The following WASHC4 variants were observed in gnomAD, a reference collection of about 807,000 sequenced individuals.
WASHC4 encodes the protein WASH complex subunit 7.
Under a neutral mutation model 166.6 loss-of-function variants are expected in WASHC4, and 86 were observed. The observed-to-expected ratio is 0.52, with a 90% CI of 0.43 to 0.62. WASHC4 has a LOEUF of 0.62. Ranked by LOEUF, WASHC4 falls within the 20% of genes least tolerant of loss-of-function variation. The probability of loss-of-function intolerance (pLI) is 0.00; values close to 1 mark genes in which losing one functional copy is unlikely to be tolerated. For missense variants in WASHC4, 1,262 were observed against 1,382.4 expected (o/e 0.91, Z 1.38); for synonymous variants, 446 against 451.6 (o/e 0.99, Z 0.16).
At chr12:105,128,140 A>G (rs1881456759) in intron 13 of WASHC4, among the ~76,000 whole-genome samples, 1 of 152,318 alleles carries the variant, frequency 6.6e-6, no homozygotes, top group Non-Finnish European at 1.5e-5. Flanking sequence ...TTGACTATCA[A>G]AGGGAAGTTG....
chr12:105,113,349 T>TC (rs1033952213), intron 2 of WASHC4, among the ~76,000 whole-genome samples: 31 of 152,084 alleles, frequency 2.0e-4, no homozygotes, highest in African/African-American at 7.5e-4. Context: ...CTGTTTTTTT[T>TC]CTCAACTCTC....
intron 21 of WASHC4, 78 bp from the exon 22 acceptor site, chr12:105,144,639 AG>A (rs1566018781): frequency 1.1e-5 from 15 of 1,304,980 alleles, no homozygotes; most frequent in African/African-American, 3.0e-5. Context: ...TTCAAGGACA[AG>A]TTGTTGTTTT....
intron 2 of WASHC4, among the ~76,000 whole-genome samples, chr12:105,111,838 T>C (rs1325748225): frequency 1.3e-5 from 2 of 152,228 alleles, no homozygotes; most frequent in Non-Finnish European, 2.9e-5. Flanking sequence ...AGCACTTGTG[T>C]ATTACACACT....
chr12:105,112,363 T>C (rs1879778356), intron 2 of WASHC4, among the ~76,000 whole-genome samples: 2 of 152,322 alleles, frequency 1.3e-5, no homozygotes, highest in Non-Finnish European at 2.9e-5. Context: ...GCACATGATT[T>C]TGTGTAGACA....
At chr12:105,116,041 C>T (rs746258940) in intron 6 of WASHC4, among the ~76,000 whole-genome samples, 11 of 152,062 alleles carry the variant, frequency 7.2e-5, no homozygotes, top group South Asian at 2.1e-4. Flanking sequence ...AAGTTGTTAA[C>T]GGATAGGAGA....
At chr12:105,125,161 TCTCAA>T (rs1296868976) in intron 10 of WASHC4, among the ~76,000 whole-genome samples, 1 of 152,240 alleles carries the variant, frequency 6.6e-6, no homozygotes, top group Non-Finnish European at 1.5e-5. Flanking sequence ...AACCGATTGA[TCTCAA>T]CTCTTGTTTA....
Position 105,164,230 on chromosome 12 carries a change from G to A in WASHC4, c.3277G>A (p.Val1093Ile), listed in dbSNP as rs1884669885. Residue 1093 changes from valine to isoleucine, a missense_variant, in exon 31 of 33, where the codon GTA becomes ATA. Coordinates refer to ENST00000332180, the MANE Select transcript of WASHC4 (RefSeq NM_015275.3). ...EIRAVAKQQN[V>I]QSASQDEKLL... ...AAGAGCAGTTGCTAAGCAACAGAATGTACAGTCAGCCAGTCAAGATGAAAA... is the reference window on the plus strand; with the variant it reads ...AAGAGCAGTTGCTAAGCAACAGAATATACAGTCAGCCAGTCAAGATGAAAA... 1 of 1,614,024 alleles carries A rather than the reference G, an allele frequency of 6.2e-7. No homozygotes were observed. The highest frequency in any genetic ancestry group is 8.5e-7 in the Non-Finnish European group (1 of 1,179,944).
At chr12:105,125,968 A>T in intron 10 of WASHC4, 36 bp from the exon 11 acceptor site, 1 of 1,593,118 alleles carries the variant, frequency 6.3e-7, no homozygotes. Flanking sequence ...TTTATTATTG[A>T]GAGTCTGAAT....
Position 105,140,412 on chromosome 12 carries a change from T to C in WASHC4, c.1560+11T>C. The C allele has an allele frequency of 6.5e-7, 1 of 1,539,996 alleles. No individual in the cohort carries two copies. The highest frequency in any genetic ancestry group is 9.0e-7 in the Non-Finnish European group (1 of 1,112,432). On this transcript the variant is annotated intron_variant, in intron 16 of 32. Coordinates refer to ENST00000332180, the MANE Select transcript of WASHC4 (RefSeq NM_015275.3). ...ATTTCTGTGGCCAAGGTATGCAGCT[T>C]ATTATGTATTTAGCATAAGTATGTT...
At chr12:105,162,940 T>C (rs1026076774) in intron 30 of WASHC4, 95 bp downstream of exon 30, 5 of 673,044 alleles carry the variant, frequency 7.4e-6, no homozygotes, top group Non-Finnish European at 1.3e-5. Context: ...ATATGTTCTT[T>C]ATAGATTTTT....
In WASHC4 at chr12:105,120,522, G is replaced by A. The variant is rs1364379678; in HGVS notation, c.519-33G>A. ...AAGAATAAACTATGACAAAAAGGAA[G>A]TTTTTTTTAACTTGGTTGTTATTTT... is the stretch of plus-strand genomic sequence containing the variant. On this transcript the variant is annotated intron_variant, in intron 7 of 32. Transcript: ENST00000332180. 6 of 1,418,686 alleles carry A rather than the reference G, an allele frequency of 4.2e-6. No individual in the cohort carries two copies. The Admixed American group carries it at 8.4e-5, about 20-fold the overall frequency. The allele number at this position is 1,418,686 out of a possible 1,614,324, so 87.9% of individuals were successfully genotyped here.
chr12:105,137,654 A>G (rs1346501490), intron 14 of WASHC4, among the ~76,000 whole-genome samples: 1 of 152,172 alleles, frequency 6.6e-6, no homozygotes, highest in Non-Finnish European at 1.5e-5. Context: ...ACAGTACAAA[A>G]CTTCTGGTAT....
intron 28 of WASHC4, 62 bp from the exon 29 acceptor site, chr12:105,159,939 T>G (rs1592920266): frequency 1.4e-6 from 2 of 1,457,736 alleles, no homozygotes; most frequent in East Asian, 2.3e-5. Context: ...TATTGAGAGA[T>G]GGATTTTTTT....
At chr12:105,139,423 G>GTA (rs1398258029) in intron 15 of WASHC4, among the ~76,000 whole-genome samples, 2 of 27,382 alleles carry the variant, frequency 7.3e-5, no homozygotes, top group African/African-American at 2.9e-4. Flanking sequence ...ATATGTGTGT[G>GTA]TGTATATATA....
At chr12:105,112,024 A>G (rs1176729682) in intron 2 of WASHC4, among the ~76,000 whole-genome samples, 2 of 152,212 alleles carry the variant, frequency 1.3e-5, no homozygotes, top group Non-Finnish European at 2.9e-5. Context: ...AAAAGAAACC[A>G]TGTACCGTGT....
chr12:105,151,383 G>A (rs1883763517), intron 25 of WASHC4, among the ~76,000 whole-genome samples: 1 of 150,268 alleles, frequency 6.7e-6, no homozygotes, highest in Non-Finnish European at 1.5e-5. Context: ...CTTGTATAAT[G>A]GTTGCTAGTT....
chr12:105,144,917 G>T, intron 22 of WASHC4, 45 bp downstream of exon 22: 1 of 1,563,206 alleles, frequency 6.4e-7, no homozygotes, highest in Admixed American at 1.7e-5. Context: ...ACTGTTGGCT[G>T]TAACAGTACT....
At chr12:105,139,425 G>GTGTGTGTATATATATATATATATATA in intron 15 of WASHC4, among the ~76,000 whole-genome samples, 1 of 103,190 alleles carries the variant, frequency 9.7e-6, no homozygotes, top group African/African-American at 3.6e-5. Flanking sequence ...ATGTGTGTGT[G>GTGTGTGTATATATATATATATATATA]TATATATATA....
intron 10 of WASHC4, among the ~76,000 whole-genome samples, chr12:105,122,568 A>T (rs1397651393): frequency 6.6e-6 from 1 of 151,922 alleles, no homozygotes; most frequent in Non-Finnish European, 1.5e-5. Flanking sequence ...AGGTAATTGC[A>T]TTTTCTACAA....
Sources: gnomAD v4.1 joint callset for allele counts (sites outside exome capture counted in the v4.1 genomes callset) on GRCh38, gnomAD v4.1.1 for gene constraint, MANE v1.5 for transcripts, NCBI Gene and HGNC (gene_info 2026-07-23, HGNC 2026-07-21) for gene names.